The following PCDHA8 variants were observed in gnomAD, a reference collection of about 807,000 sequenced individuals.
PCDHA8 encodes protocadherin alpha-8.
In PCDHA8, 53 loss-of-function variants were observed where a neutral mutation model predicts 61.8. That is an observed-to-expected ratio of 0.86 (90% CI 0.69 to 1.08). The LOEUF is 1.08. Ranked by LOEUF, PCDHA8 falls within the 50% of genes least tolerant of loss-of-function variation. The pLI is 0.00. For synonymous variants in PCDHA8, 618 were observed against 556.6 expected (o/e 1.11, Z -1.55); for missense variants, 1,293 against 1,245.0 (o/e 1.04, Z -0.58).
At chr5:140,899,255 C>A (rs532751288) in intron 1 of PCDHA8, among the ~76,000 whole-genome samples, 1 of 152,258 alleles carries the variant, frequency 6.6e-6, no homozygotes, top group East Asian at 1.9e-4. Flanking sequence ...GAGAGGGCAT[C>A]CCTGTCTTGT....
At chr5:140,947,010 A>C (rs924112965) in intron 1 of PCDHA8, among the ~76,000 whole-genome samples, 7 of 151,752 alleles carry the variant, frequency 4.6e-5, no homozygotes, top group African/African-American at 1.4e-4. Flanking sequence ...AGAAATGATA[A>C]ATGTTTGAGG....
chr5:140,962,237 C>G (rs982591816), intron 1 of PCDHA8, among the ~76,000 whole-genome samples: 5 of 152,108 alleles, frequency 3.3e-5, no homozygotes, highest in Non-Finnish European at 5.9e-5. Context: ...TTCACTTAAC[C>G]ATTTTCTTCA....
At chr5:140,848,283 C>G in intron 1 of PCDHA8, 1 of 605,274 alleles carries the variant, frequency 1.7e-6, no homozygotes, top group Non-Finnish European at 2.9e-6. Context: ...TATGTACTTA[C>G]ACTTTGGGCC....
chr5:141,010,802 G>A lies in PCDHA8; in HGVS notation c.*865G>A, dbSNP rs1323558356. On this transcript the variant is annotated 3_prime_UTR_variant, in exon 4 of 4. Coordinates refer to ENST00000531613, the MANE Select transcript of PCDHA8 (RefSeq NM_018911.3). ...TTATGCAAAAGCAAAAGAAAACCCC[G>A]ACACCTCACCTTTCGCTGTTTGTTG... 6.5e-6 allele frequency: 1 copy of A among 153,554 alleles called. No homozygotes were observed. The highest frequency in any genetic ancestry group is 1.5e-5 in the Non-Finnish European group (1 of 68,024). The allele number at this position is 153,554 out of a possible 1,614,324, so 9.5% of individuals were successfully genotyped here. A position where few individuals can be genotyped will look rare whatever the true frequency, so the allele number is the denominator to read the frequency against.
chr5:140,873,461 T>A (rs2054305243), intron 1 of PCDHA8, among the ~76,000 whole-genome samples: 1 of 152,224 alleles, frequency 6.6e-6, no homozygotes, highest in Admixed American at 6.5e-5. Context: ...GCATTTTAGA[T>A]AATTCAAATT....
At chr5:140,911,299 T>A (rs1583781432) in intron 1 of PCDHA8, among the ~76,000 whole-genome samples, 1 of 152,154 alleles carries the variant, frequency 6.6e-6, no homozygotes, top group Non-Finnish European at 1.5e-5. Flanking sequence ...CTTTTACATA[T>A]CCCCATTCCA....
At chr5:140,931,216 A>G (rs1347905969) in intron 1 of PCDHA8, among the ~76,000 whole-genome samples, 4 of 152,190 alleles carry the variant, frequency 2.6e-5, no homozygotes, top group African/African-American at 9.6e-5. Context: ...TTCAGGTATC[A>G]GAGCACTTAA....
At chr5:140,996,836 C>T (rs1247616398) in intron 3 of PCDHA8, among the ~76,000 whole-genome samples, 43 of 152,096 alleles carry the variant, frequency 2.8e-4, no homozygotes, top group African/African-American at 1.0e-3. Flanking sequence ...AATAATTTAG[C>T]GTGCATCTTC....
Position 140,980,544 on chromosome 5 carries a change from C to T in PCDHA8, c.2453+1537C>T, listed in dbSNP as rs111386744. 4.0e-3 allele frequency among the ~76,000 whole-genome samples: 611 copies of T among 152,160 alleles called. 1 individual carries two copies. The highest frequency in any genetic ancestry group is 0.013 in the African/African-American group (560 of 41,516). On this transcript the variant is annotated intron_variant, in intron 2 of 3. Coordinates refer to ENST00000531613, the MANE Select transcript of PCDHA8 (RefSeq NM_018911.3). ...ACTAGGGAGGCTGAGGCAGGAGAAT[C>T]GCTTGAACCCGGGAGGCGGAAGTTG...
chr5:140,934,331 A>C (rs1313968911), intron 1 of PCDHA8, among the ~76,000 whole-genome samples: 1 of 152,116 alleles, frequency 6.6e-6, no homozygotes, highest in East Asian at 1.9e-4. Flanking sequence ...CATGAATGTA[A>C]TAACCACCAG....
chr5:140,850,833 G>A, intron 1 of PCDHA8: 1 of 1,598,078 alleles, frequency 6.3e-7, no homozygotes, highest in Non-Finnish European at 8.6e-7. Flanking sequence ...TTCTCCTTGT[G>A]CTGGATCTAC....
At chr5:141,003,936 C>T (rs934368361) in intron 3 of PCDHA8, among the ~76,000 whole-genome samples, 41 of 152,122 alleles carry the variant, frequency 2.7e-4, no homozygotes, top group African/African-American at 9.9e-4. Context: ...TTGTCTTTGC[C>T]TGAGGGTGAG....
chr5:141,006,127 C>CA (rs2098257011), intron 3 of PCDHA8, among the ~76,000 whole-genome samples: 1 of 147,760 alleles, frequency 6.8e-6, no homozygotes, highest in Admixed American at 6.7e-5. Flanking sequence ...TTTCTCAAGG[C>CA]AGTAGAAAGC....
chr5:140,884,454 A>G, intron 1 of PCDHA8: 2 of 1,613,688 alleles, frequency 1.2e-6, no homozygotes, highest in Non-Finnish European at 1.7e-6. Flanking sequence ...CCGCCCACCG[A>G]GGGCGCGTGC....
intron 1 of PCDHA8, chr5:140,856,336 G>A (rs782523397): frequency 1.9e-6 from 3 of 1,598,624 alleles, no homozygotes; most frequent in East Asian, 2.2e-5. Context: ...AGCTGTGCGG[G>A]CGGAGCGTGG....
At position 140,875,233 on chromosome 5, in the gene PCDHA8, G is replaced by A. The variant is rs1379502066; in HGVS notation, c.2394+31518G>A. Reference sequence around the variant, plus strand: ...CGAAAAGAACCTCAGGATCTTTCTTGTACTTACATAATCAGTCACATGATG... The same window carrying A: ...CGAAAAGAACCTCAGGATCTTTCTTATACTTACATAATCAGTCACATGATG... On this transcript the variant is annotated intron_variant, in intron 1 of 3. Coordinates refer to ENST00000531613, the MANE Select transcript of PCDHA8 (RefSeq NM_018911.3). The A allele has an allele frequency of 3.5e-6, 3 of 863,762 alleles. No individual in the cohort carries two copies. The African/African-American group carries it at 5.1e-5, about 15-fold the overall frequency. The allele number at this position is 863,762 out of a possible 1,614,324, so 53.5% of individuals were successfully genotyped here. A position where few individuals can be genotyped will look rare whatever the true frequency, so the allele number is the denominator to read the frequency against.
intron 3 of PCDHA8, among the ~76,000 whole-genome samples, chr5:141,007,801 G>A (rs559830556): frequency 2.6e-5 from 4 of 152,148 alleles, no homozygotes; most frequent in African/African-American, 7.2e-5. Flanking sequence ...GCCTTTATCT[G>A]CCATTCATTT....
chr5:140,902,284 T>C (rs2069352303), intron 1 of PCDHA8, among the ~76,000 whole-genome samples: 2 of 149,984 alleles, frequency 1.3e-5, no homozygotes, highest in South Asian at 4.3e-4. Context: ...GCAATCCTCC[T>C]GCCTCAGCCT....
At chr5:140,968,339 A>C in intron 1 of PCDHA8, 1 of 1,614,114 alleles carries the variant, frequency 6.2e-7, no homozygotes, top group Non-Finnish European at 8.5e-7. Flanking sequence ...TGTCTCCATT[A>C]ACAGTGCCAG....
Sources: allele counts gnomAD v4.1 joint callset (sites outside exome capture counted in the v4.1 genomes callset), GRCh38; gene constraint gnomAD v4.1.1; transcripts MANE v1.5; gene names NCBI Gene and HGNC (gene_info 2026-07-23, HGNC 2026-07-21).